The following TTL variants were observed in gnomAD, a reference collection of about 807,000 sequenced individuals.
TTL encodes tubulin--tyrosine ligase.
TTL carries 10 observed loss-of-function variants against 41.1 expected under a neutral mutation model. That is an observed-to-expected ratio of 0.24 (90% CI 0.15 to 0.41). The LOEUF is 0.41. Among genes scored for constraint, TTL ranks in the 10% least tolerant of loss-of-function variants. The pLI is 1.00. For missense variants in TTL, 367 were observed against 460.4 expected (o/e 0.80, Z 1.86); for synonymous variants, 175 against 175.5 (o/e 1.00, Z 0.02).
In TTL at chr2:112,482,243, G is replaced by A. The variant is rs1681105716; in HGVS notation, c.-102G>A. ...GTAGCCGGCGCGGGCGGCGGGGGCC[G>A]GGCCGCGGCGGGCGCCCGGGCGGGG... is the stretch of plus-strand genomic sequence containing the variant. On this transcript the variant is annotated 5_prime_UTR_variant, in exon 1 of 7. Coordinates refer to ENST00000233336, the MANE Select transcript of TTL (RefSeq NM_153712.5). This position sits in a 1 kb window ranked among gnomAD's most constrained non-coding sequence, Gnocchi z 5.3. 2.3e-6 allele frequency: 2 copies of A among 884,924 alleles called. No homozygotes were observed. The highest frequency in any genetic ancestry group is 6.4e-5 in the Admixed American group (1 of 15,546). 54.8% of individuals were successfully genotyped at this position (884,924 alleles called of 1,614,324 possible). A position where few individuals can be genotyped will look rare whatever the true frequency, so the allele number is the denominator to read the frequency against.
chr2:112,487,536 G>A (rs558777239), intron 2 of TTL, among the ~76,000 whole-genome samples: 2 of 152,320 alleles, frequency 1.3e-5, no homozygotes, highest in African/African-American at 2.4e-5. Context: ...TTCCATGTTT[G>A]TATATTTTGC....
At chr2:112,509,991 A>T (rs966920788) in intron 5 of TTL, among the ~76,000 whole-genome samples, 6 of 152,052 alleles carry the variant, frequency 3.9e-5, no homozygotes, top group African/African-American at 1.4e-4. Flanking sequence ...TATCAATTTT[A>T]TCAGTCTTTT....
Position 112,485,944 on chromosome 2 carries a change from T to C in TTL, c.185T>C (p.Val62Ala). ...LGHEPGLVQL[V>A]NYYRGADKLC... ...CACGAGCCCGGGCTGGTACAGTTGG[T>C]GAATTACTACAGGGGTGCTGACAAA... The change falls in exon 2 of 7, where the codon GTG (valine) becomes GCG (alanine). Residue 62 changes from valine (V) to alanine (A), a missense_variant. Coordinates refer to ENST00000233336, the MANE Select transcript of TTL (RefSeq NM_153712.5). 1 of 1,614,134 alleles carries C rather than the reference T, an allele frequency of 6.2e-7. No homozygotes were observed. The highest frequency in any genetic ancestry group is 8.5e-7 in the Non-Finnish European group (1 of 1,180,014).
At chr2:112,492,609 T>G (rs1681418849) in intron 2 of TTL, among the ~76,000 whole-genome samples, 1 of 152,160 alleles carries the variant, frequency 6.6e-6, no homozygotes, top group Middle Eastern at 3.2e-3. Context: ...TGGGCACCTG[T>G]AGTCCCAGCT....
rs1179694252 is a variant in TTL, at chr2:112,532,421, TTTG to T, written c.*3627_*3629del. 9.0e-6 allele frequency: 2 copies of T among 223,048 alleles called. No homozygotes were observed. The highest frequency in any genetic ancestry group is 1.1e-4 in the Admixed American group (2 of 17,408). 13.8% of individuals were successfully genotyped at this position (223,048 alleles called of 1,614,324 possible). ...TGATATTTCAAGTGTTTTTGTGCTC[TTTG>T]GTTCTTGTTGTAGGTATTGACTGTC... On this transcript the variant is annotated 3_prime_UTR_variant, in exon 7 of 7. Transcript: ENST00000233336.
rs1259904991 is a variant in TTL, at chr2:112,539,733, A to G, written c.*10938A>G. ...GCATTCAGATTGGAAAGGGAGAAGT[A>G]TGATGATCTCTCTTTGCAGACGACA... On this transcript the variant is annotated 3_prime_UTR_variant, in exon 7 of 7. Coordinates refer to ENST00000233336, the MANE Select transcript of TTL (RefSeq NM_153712.5). 2.0e-5 allele frequency: 3 copies of G among 152,280 alleles called. No homozygotes were observed. Among genetic ancestry groups the G allele is most frequent in the Non-Finnish European group, 4.4e-5 (3 of 68,050 alleles). The allele number at this position is 152,280 out of a possible 1,614,324, so 9.4% of individuals were successfully genotyped here.
chr2:112,540,463 A>T lies in TTL; in HGVS notation c.*11668A>T, dbSNP rs1329905751. The T allele has an allele frequency of 1.3e-5, 2 of 152,070 alleles. No homozygotes were observed. The highest frequency in any genetic ancestry group is 2.9e-5 in the Non-Finnish European group (2 of 68,020). 9.4% of individuals were successfully genotyped at this position (152,070 alleles called of 1,614,324 possible). On this transcript the variant is annotated 3_prime_UTR_variant, in exon 7 of 7. Transcript: ENST00000233336. ...AAAAAAAAAAAAGAGAAAGAAATTG[A>T]CAAGCTAAGCTGACGCTAAAATCCA...
chr2:112,500,127 G>GATTCC (rs1681650452), intron 3 of TTL, among the ~76,000 whole-genome samples: 1 of 152,156 alleles, frequency 6.6e-6, no homozygotes, highest in African/African-American at 2.4e-5. Flanking sequence ...CATACTGTGT[G>GATTCC]ATTCCATTTA....
rs1364844303 is a variant in TTL, at chr2:112,536,809, AG to A, written c.*8016del. ...TTTCTGTTCCTGTGTTATTTCACTT[AG>A]GATAATGGCCTCCAGCAGCATCCAT... On this transcript the variant is annotated 3_prime_UTR_variant, in exon 7 of 7. Transcript: ENST00000233336. 6.6e-6 allele frequency: 1 copy of A among 152,224 alleles called. No individual in the cohort carries two copies. Among genetic ancestry groups the A allele is most frequent in the Non-Finnish European group, 1.5e-5 (1 of 68,070 alleles). 9.4% of individuals were successfully genotyped at this position (152,224 alleles called of 1,614,324 possible). A position where few individuals can be genotyped will look rare whatever the true frequency, so the allele number is the denominator to read the frequency against.
At chr2:112,514,008 A>G (rs1012936605) in intron 5 of TTL, among the ~76,000 whole-genome samples, 2 of 152,290 alleles carry the variant, frequency 1.3e-5, no homozygotes, top group African/African-American at 2.4e-5. Flanking sequence ...AGAGTTCCCC[A>G]CATTTTGACC....
chr2:112,520,197 A>G (rs1190432867), intron 5 of TTL, 85 bp from the exon 6 acceptor site: 8 of 1,464,880 alleles, frequency 5.5e-6, no homozygotes, highest in Non-Finnish European at 7.5e-6. Flanking sequence ...TATTCATCTC[A>G]TATAAAATCT....
chr2:112,510,140 T>C (rs1195920113), intron 5 of TTL, among the ~76,000 whole-genome samples: 1 of 152,222 alleles, frequency 6.6e-6, no homozygotes, highest in Admixed American at 6.5e-5. Flanking sequence ...GCTTTTTGTT[T>C]GTTTTTTAAG....
At chr2:112,523,533 G>T (rs568972657) in intron 6 of TTL, among the ~76,000 whole-genome samples, 1 of 149,108 alleles carries the variant, frequency 6.7e-6, no homozygotes, top group Non-Finnish European at 1.5e-5. Context: ...GAGTCTTCCC[G>T]TGTCACTGGG....
intron 2 of TTL, among the ~76,000 whole-genome samples, chr2:112,488,346 G>C (rs1444915312): frequency 1.3e-5 from 2 of 152,234 alleles, no homozygotes; most frequent in African/African-American, 4.8e-5. Flanking sequence ...TTCTGTGCAG[G>C]AAATGAGGGC....
In TTL at chr2:112,535,926, A is replaced by G. The variant is rs895488986; in HGVS notation, c.*7131A>G. The G allele has an allele frequency of 2.6e-5, 4 of 152,290 alleles. No individual in the cohort carries two copies. Among genetic ancestry groups the G allele is most frequent in the South Asian group, 2.1e-4 (1 of 4,830 alleles). 9.4% of individuals were successfully genotyped at this position (152,290 alleles called of 1,614,324 possible). A position where few individuals can be genotyped will look rare whatever the true frequency, so the allele number is the denominator to read the frequency against. ...TTCAAGTAATCTTCCCACCTTAGCC[A>G]CCCAAGTAGCTGGAACTATAGGTGC... On this transcript the variant is annotated 3_prime_UTR_variant, in exon 7 of 7. Coordinates refer to ENST00000233336, the MANE Select transcript of TTL (RefSeq NM_153712.5).
rs191920763 is a variant in TTL at position 112,509,914 on chromosome 2, G to A, written c.875+6733G>A. Among the ~76,000 whole-genome samples the A allele has an allele frequency of 4.3e-4, 65 of 152,266 alleles. No individual in the cohort carries two copies. The East Asian group carries it at 7.9e-3, about 19-fold the overall frequency. On this transcript the variant is annotated intron_variant, in intron 5 of 6. Coordinates refer to ENST00000233336, the MANE Select transcript of TTL (RefSeq NM_153712.5). ...CTCCCAAAGTGCTGGGATTACAGGC[G>A]TAAGCCACCATGCCTGGCTAATTTA...
In TTL at chr2:112,536,622, A is replaced by G. The variant is rs1188978330; in HGVS notation, c.*7827A>G. 6.6e-6 allele frequency: 1 copy of G among 152,200 alleles called. No homozygotes were observed. Among genetic ancestry groups the G allele is most frequent in the Non-Finnish European group, 1.5e-5 (1 of 68,036 alleles). 9.4% of individuals were successfully genotyped at this position (152,200 alleles called of 1,614,324 possible). A position where few individuals can be genotyped will look rare whatever the true frequency, so the allele number is the denominator to read the frequency against. ...GTCCTGAGGTTGGGGTACAGATCCC[A>G]TTACCCAAGTAGTAAGCATAGTACC... On this transcript the variant is annotated 3_prime_UTR_variant, in exon 7 of 7. Transcript: ENST00000233336.
In TTL at chr2:112,503,180, A is replaced by G; in HGVS notation, c.874A>G (p.Arg292Gly). The change falls in exon 5 of 7, where the codon AGG (arginine) becomes GGG (glycine). Residue 292 changes from arginine to glycine, a missense_variant and splice_region_variant. Coordinates refer to ENST00000233336, the MANE Select transcript of TTL (RefSeq NM_153712.5). ...CTTACTACAAATCAAACATATAATA[A>G]GGTAACTTAATTGTATCTTTTTGGA... is the stretch of plus-strand genomic sequence containing the variant. Reference protein sequence around the residue: ...SILLQIKHIIRNCLLSVEPAI... With the variant: ...SILLQIKHIIGNCLLSVEPAI... 3.8e-6 allele frequency: 6 copies of G among 1,581,838 alleles called. No individual in the cohort carries two copies. The highest frequency in any genetic ancestry group is 4.3e-6 in the Non-Finnish European group (5 of 1,162,404).
intron 1 of TTL, among the ~76,000 whole-genome samples, chr2:112,485,571 A>G (rs533782289): frequency 2.6e-5 from 4 of 152,334 alleles, no homozygotes; most frequent in Admixed American, 6.5e-5. Context: ...TGACAAGTCT[A>G]TATGTGTTAA....
Sources: allele counts gnomAD v4.1 joint callset (sites outside exome capture counted in the v4.1 genomes callset), GRCh38; gene constraint gnomAD v4.1.1; non-coding constraint Gnocchi (gnomAD v3.1); transcripts MANE v1.5; gene names NCBI Gene and HGNC (gene_info 2026-07-23, HGNC 2026-07-21).